Variants in EDIL3 observed in about 807,000 individuals in gnomAD.
EDIL3 encodes EGF-like repeat and discoidin I-like domain-containing protein 3.
A neutral mutation model predicts 67.4 loss-of-function variants in EDIL3; 37 were observed. The observed-to-expected ratio is 0.55, with a 90% CI of 0.42 to 0.72. The LOEUF is 0.72. Among genes scored for constraint, EDIL3 ranks in the 30% least tolerant of loss-of-function variants. The pLI, the probability that EDIL3 is intolerant of heterozygous loss-of-function variation, is 0.00. For missense variants in EDIL3, 527 were observed against 586.3 expected, an observed-to-expected ratio of 0.90 and a Z score of 1.04; for synonymous variants, 195 against 196.3, an observed-to-expected ratio of 0.99 and a Z score of 0.05.
At chr5:84,053,735 A>T (rs1213455705) in intron 9 of EDIL3, among the ~76,000 whole-genome samples, 2 of 151,708 alleles carry the variant, frequency 1.3e-5, no homozygotes, top group African/African-American at 4.8e-5. Flanking sequence ...CTCAACACAT[A>T]CACTCTCCCA....
At chr5:84,041,344 C>G (rs1746116661) in intron 9 of EDIL3, among the ~76,000 whole-genome samples, 1 of 151,676 alleles carries the variant, frequency 6.6e-6, no homozygotes. Context: ...TTTCAGCCAG[C>G]CCATGCCACC....
At chr5:84,360,338 T>C (rs1485497115) in intron 1 of EDIL3, among the ~76,000 whole-genome samples, 1 of 152,178 alleles carries the variant, frequency 6.6e-6, no homozygotes, top group Non-Finnish European at 1.5e-5. Context: ...TACAGAAATA[T>C]GTGAGAAAAT....
At chr5:84,293,104 C>T (rs1400632434) in intron 1 of EDIL3, among the ~76,000 whole-genome samples, 3 of 152,134 alleles carry the variant, frequency 2.0e-5, no homozygotes, top group Non-Finnish European at 4.4e-5. Context: ...ATTCTGTTTG[C>T]TTATTGTGAC....
intron 1 of EDIL3, among the ~76,000 whole-genome samples, chr5:84,265,275 T>A (rs1297521802): frequency 6.6e-6 from 1 of 152,234 alleles, no homozygotes; most frequent in African/African-American, 2.4e-5. Context: ...GTTGAGAATT[T>A]ATACCTTATA....
chr5:84,131,559 A>G (rs2112308824), intron 5 of EDIL3, among the ~76,000 whole-genome samples: 2 of 152,340 alleles, frequency 1.3e-5, no homozygotes, highest in South Asian at 4.1e-4. Context: ...TCTGAAGTTT[A>G]CTAGCCAGGC....
intron 10 of EDIL3, among the ~76,000 whole-genome samples, chr5:83,947,295 C>T (rs1744325777): frequency 6.6e-6 from 1 of 151,368 alleles, no homozygotes; most frequent in South Asian, 2.1e-4. Context: ...CACTGACCTG[C>T]TGTTCTTAAG....
intron 4 of EDIL3, among the ~76,000 whole-genome samples, chr5:84,139,726 G>A (rs1377795197): frequency 6.6e-6 from 1 of 152,154 alleles, no homozygotes; most frequent in Non-Finnish European, 1.5e-5. Context: ...TATACTTAGA[G>A]AGAGGAAACT....
chr5:84,292,339 T>C (rs1295434901), intron 1 of EDIL3, among the ~76,000 whole-genome samples: 2 of 152,302 alleles, frequency 1.3e-5, no homozygotes, highest in Non-Finnish European at 2.9e-5. Context: ...GGTTGTTTTC[T>C]GAATAAGATA....
chr5:84,258,018 C>T (rs1409701300), intron 1 of EDIL3, among the ~76,000 whole-genome samples: 1 of 152,136 alleles, frequency 6.6e-6, no homozygotes, highest in Non-Finnish European at 1.5e-5. Context: ...TTAATAAGGG[C>T]CCCACATGCA....
intron 1 of EDIL3, among the ~76,000 whole-genome samples, chr5:84,337,119 G>A (rs1447470573): frequency 6.6e-6 from 1 of 152,102 alleles, no homozygotes; most frequent in Non-Finnish European, 1.5e-5. Flanking sequence ...TTCCAAGTCT[G>A]TATATAAAAT....
intron 4 of EDIL3, among the ~76,000 whole-genome samples, chr5:84,152,996 T>C (rs1748424805): frequency 6.6e-6 from 1 of 152,204 alleles, no homozygotes; most frequent in Non-Finnish European, 1.5e-5. Context: ...TACTGTAATT[T>C]TGTACAGATA....
intron 9 of EDIL3, among the ~76,000 whole-genome samples, chr5:84,031,547 C>T (rs887026717): frequency 6.6e-6 from 1 of 152,148 alleles, no homozygotes; most frequent in Non-Finnish European, 1.5e-5. Context: ...AATGTGGAGT[C>T]TTCATGAATG....
At chr5:84,338,960 A>G (rs1402143427) in intron 1 of EDIL3, among the ~76,000 whole-genome samples, 2 of 151,944 alleles carry the variant, frequency 1.3e-5, no homozygotes, top group African/African-American at 2.4e-5. Context: ...GAGTCCTGCA[A>G]ATAATGTAAA....
chr5:84,276,150 A>G (rs1360543888), intron 1 of EDIL3, among the ~76,000 whole-genome samples: 2 of 152,132 alleles, frequency 1.3e-5, no homozygotes, highest in African/African-American at 4.8e-5. Flanking sequence ...TTGCCATCTC[A>G]TCCTATCTTA....
At chr5:84,105,207 C>A (rs1482110214) in intron 6 of EDIL3, among the ~76,000 whole-genome samples, 1 of 152,000 alleles carries the variant, frequency 6.6e-6, no homozygotes. Context: ...TATAGATGTG[C>A]CATTTCCACT....
At chr5:84,026,139 C>G (rs1465260709) in intron 9 of EDIL3, among the ~76,000 whole-genome samples, 2 of 152,186 alleles carry the variant, frequency 1.3e-5, no homozygotes, top group Non-Finnish European at 2.9e-5. Context: ...CCAAGATGAT[C>G]TCACTAAAGG....
intron 4 of EDIL3, among the ~76,000 whole-genome samples, chr5:84,170,422 G>A (rs1748793742): frequency 6.6e-6 from 1 of 152,202 alleles, no homozygotes; most frequent in Non-Finnish European, 1.5e-5. Context: ...CAGTTGGCTA[G>A]GTGACCATTA....
intron 1 of EDIL3, among the ~76,000 whole-genome samples, chr5:84,349,847 T>C (rs1407159075): frequency 6.6e-6 from 1 of 152,152 alleles, no homozygotes; most frequent in African/African-American, 2.4e-5. Flanking sequence ...GGTACAAATA[T>C]CTTAGCAAAT....
chr5:84,345,104 C>T (rs946832706), intron 1 of EDIL3, among the ~76,000 whole-genome samples: 1 of 152,118 alleles, frequency 6.6e-6, no homozygotes, highest in African/African-American at 2.4e-5. Flanking sequence ...CATAATTCTA[C>T]AAACTCTACA....
Sources: allele counts gnomAD v4.1 joint callset (sites outside exome capture counted in the v4.1 genomes callset), GRCh38; gene constraint gnomAD v4.1.1; transcripts MANE v1.5; gene names NCBI Gene and HGNC (gene_info 2026-07-23, HGNC 2026-07-21).